RORB: variants seen among roughly 807,000 people sequenced by gnomAD.
The protein encoded by RORB is RAR related orphan receptor B.
Under a neutral mutation model 59.1 loss-of-function variants are expected in RORB, and 6 were observed. That is an observed-to-expected ratio of 0.10 (90% CI 0.06 to 0.20). RORB has a LOEUF of 0.20. RORB is among the 10% of genes least tolerant of loss of function. The pLI, the probability that RORB is intolerant of heterozygous loss-of-function variation, is 1.00. For synonymous variants in RORB, 215 were observed against 204.5 expected (o/e 1.05, Z -0.44); for missense variants, 320 against 560.5 (o/e 0.57, Z 4.33).
intron 4 of RORB, among the ~76,000 whole-genome samples, chr9:74,654,333 GGAGAGAGA>G (rs60137307): frequency 0.28 from 38,585 of 138,512 alleles, 4,974 homozygotes; most frequent in East Asian, 0.34. Context: ...CAGTCTCAGG[GGAGAGAGA>G]GAGAGAGAGA....
intron 1 of RORB, among the ~76,000 whole-genome samples, chr9:74,558,042 CA>C (rs1322340717): frequency 6.6e-6 from 1 of 152,080 alleles, no homozygotes; most frequent in Non-Finnish European, 1.5e-5. Context: ...CCCTCCGGAG[CA>C]AACAATTATT....
In RORB at chr9:74,546,791, T is replaced by C. The variant is rs1587353306; in HGVS notation, c.7+48808T>C. 2.0e-5 allele frequency among the ~76,000 whole-genome samples: 3 copies of C among 152,284 alleles called. No individual in the cohort carries two copies. In the East Asian group the frequency reaches 5.8e-4, roughly 29 times the overall value. ...TATGATAGAGCCTAATTATCTCTTG[T>C]GAGTGAGTTTAGAGGTGATACAAAT... On this transcript the variant is annotated intron_variant, in intron 1 of 9. Transcript: ENST00000376896.
intron 9 of RORB, among the ~76,000 whole-genome samples, chr9:74,678,019 A>C (rs982056566): frequency 6.6e-6 from 1 of 152,256 alleles, no homozygotes; most frequent in Admixed American, 6.5e-5. Context: ...ACACATGATC[A>C]GAATCACAAT....
intron 3 of RORB, among the ~76,000 whole-genome samples, chr9:74,636,559 C>T (rs934407565): frequency 6.6e-6 from 1 of 152,110 alleles, no homozygotes; most frequent in Non-Finnish European, 1.5e-5. Context: ...ACAATTTATT[C>T]TCAAGAAGGA....
intron 1 of RORB, among the ~76,000 whole-genome samples, chr9:74,575,791 CA>C (rs1822625876): frequency 6.6e-6 from 1 of 152,050 alleles, no homozygotes; most frequent in South Asian, 2.1e-4. Context: ...TCTCCTTATA[CA>C]GTGGTACAGG....
chr9:74,506,122 A>G (rs1014982033), intron 1 of RORB, among the ~76,000 whole-genome samples: 1 of 152,118 alleles, frequency 6.6e-6, no homozygotes, highest in Admixed American at 6.6e-5. Context: ...CTTTAATACT[A>G]TTATCTGAAA....
chr9:74,657,287 G>C (rs555149964), intron 4 of RORB, among the ~76,000 whole-genome samples: 41 of 152,022 alleles, frequency 2.7e-4, no homozygotes, highest in South Asian at 1.0e-3. Flanking sequence ...GGATGGTCTC[G>C]ATCTCCTGAC....
At chr9:74,554,226 G>C (rs997010774) in intron 1 of RORB, among the ~76,000 whole-genome samples, 2 of 152,128 alleles carry the variant, frequency 1.3e-5, no homozygotes, top group Non-Finnish European at 2.9e-5. Flanking sequence ...ATCCAGCTTA[G>C]CATCAAAATC....
In RORB at chr9:74,622,519, A is replaced by ATTTTTTTTT. The variant is rs33946613; in HGVS notation, c.8-7746_8-7738dup. Among the ~76,000 whole-genome samples the ATTTTTTTTT allele has an allele frequency of 1.5e-4, 11 of 74,142 alleles. 1 individual carries two copies. Among genetic ancestry groups the ATTTTTTTTT allele is most frequent in the Non-Finnish European group, 2.1e-4 (9 of 42,982 alleles). The allele number at this position is 74,142 out of a possible 152,430, so 48.6% of individuals were successfully genotyped here. ...TCACAGAGATGCTGTTACAACCCAG[A>ATTTTTTTTT]TTTTTTTTTTTTTTTTTTTTTTTTT... On this transcript the variant is annotated intron_variant, in intron 1 of 9. Transcript: ENST00000376896.
At chr9:74,656,261 G>T (rs997410822) in intron 4 of RORB, among the ~76,000 whole-genome samples, 1 of 152,106 alleles carries the variant, frequency 6.6e-6, no homozygotes, top group African/African-American at 2.4e-5. Flanking sequence ...TGCCACATCT[G>T]CTGGTCCCAT....
chr9:74,642,249 C>T (rs183535441), intron 3 of RORB, among the ~76,000 whole-genome samples, 165 bp from the exon 4 acceptor site: 1 of 152,300 alleles, frequency 6.6e-6, no homozygotes, highest in African/African-American at 2.4e-5. Flanking sequence ...TGAATATAAC[C>T]TTTCCCCAGA....
At chr9:74,601,382 T>TA (rs58180816) in intron 1 of RORB, among the ~76,000 whole-genome samples, 3 of 148,490 alleles carry the variant, frequency 2.0e-5, no homozygotes, top group East Asian at 3.9e-4. Context: ...TATATATATA[T>TA]TATATATATA....
rs191611722 is a variant in RORB at position 74,686,120 on chromosome 9, T to C, written c.*502T>C. The C allele has an allele frequency of 2.0e-5, 3 of 152,806 alleles. No homozygotes were observed. Among genetic ancestry groups the C allele is most frequent in the Admixed American group, 2.0e-4 (3 of 15,298 alleles). The allele number at this position is 152,806 out of a possible 1,614,324, so 9.5% of individuals were successfully genotyped here. A position where few individuals can be genotyped will look rare whatever the true frequency, so the allele number is the denominator to read the frequency against. ...GTATATAATATGTGAGAATATTATA[T>C]ATGACTATTACTTATACATGCACAT... On this transcript the variant is annotated 3_prime_UTR_variant, in exon 10 of 10. Transcript: ENST00000376896.
At chr9:74,625,489 C>A (rs1411566300) in intron 1 of RORB, among the ~76,000 whole-genome samples, 1 of 152,100 alleles carries the variant, frequency 6.6e-6, no homozygotes, top group Non-Finnish European at 1.5e-5. Context: ...TGGTGCACAC[C>A]CACAGTCCCA....
At position 74,576,579 on chromosome 9, in the gene RORB, C is replaced by G. The variant is rs1010852274; in HGVS notation, c.8-53703C>G. ...ATAATGCAAACAATTTTTTTTAAGA[C>G]TAGCAGGGAAACCTCTGGATTTCAT... On this transcript the variant is annotated intron_variant, in intron 1 of 9. Transcript: ENST00000376896. Among the ~76,000 whole-genome samples the G allele has an allele frequency of 4.6e-5, 7 of 152,138 alleles. No homozygotes were observed. The East Asian group carries it at 1.4e-3, about 29-fold the overall frequency.
intron 8 of RORB, among the ~76,000 whole-genome samples, chr9:74,668,744 GA>G (rs1824305835): frequency 6.6e-6 from 1 of 152,200 alleles, no homozygotes; most frequent in Non-Finnish European, 1.5e-5. Context: ...TGAGTAGGCT[GA>G]GGAGAAGGAG....
At chr9:74,540,600 A>ATTT (rs921295193) in intron 1 of RORB, among the ~76,000 whole-genome samples, 1 of 152,168 alleles carries the variant, frequency 6.6e-6, no homozygotes, top group South Asian at 2.1e-4. Context: ...GTGATTTGGC[A>ATTT]TTTTTTTACT....
chr9:74,622,830 C>A (rs1459166624), intron 1 of RORB, among the ~76,000 whole-genome samples: 2 of 151,926 alleles, frequency 1.3e-5, no homozygotes, highest in Non-Finnish European at 2.9e-5. Flanking sequence ...CAGCCACAAC[C>A]CAGATTCTTA....
chr9:74,668,168 G>A (rs1485735250), intron 8 of RORB, among the ~76,000 whole-genome samples: 1 of 152,160 alleles, frequency 6.6e-6, no homozygotes, highest in Non-Finnish European at 1.5e-5. Context: ...AGCAAATAAA[G>A]GAAGACAAAT....
Sources: gnomAD v4.1 joint callset for allele counts (sites outside exome capture counted in the v4.1 genomes callset) on GRCh38, gnomAD v4.1.1 for gene constraint, MANE v1.5 for transcripts, NCBI Gene and HGNC (gene_info 2026-07-23, HGNC 2026-07-21) for gene names.